Variants in RANBP2 observed in about 807,000 individuals in gnomAD.
RANBP2 encodes the protein RAN binding protein 2, also known as E3 SUMO-protein ligase RanBP2.
RANBP2 carries 57 observed loss-of-function variants against 303.6 expected under a neutral mutation model. That is an observed-to-expected ratio of 0.19 (90% CI 0.15 to 0.23). RANBP2 has a LOEUF of 0.23. Ranked by LOEUF, RANBP2 falls within the 10% of genes least tolerant of loss-of-function variation. RANBP2 has a pLI of 1.00. For synonymous variants in RANBP2, 1,167 were observed against 1,301.5 expected (o/e 0.90, Z 2.23); for missense variants, 3,138 against 3,780.8 (o/e 0.83, Z 4.46).
the RANBP2 span, among the ~76,000 whole-genome samples, chr2:109,035,751 A>ACTAGCTC: frequency 1.3e-5 from 2 of 152,244 alleles, no homozygotes; most frequent in African/African-American, 2.4e-5. Flanking sequence ...CTGGCCTAGT[A>ACTAGCTC]GGGTGAGCAC....
chr2:109,257,748 A>G, the RANBP2 span, among the ~76,000 whole-genome samples: 4 of 152,104 alleles, frequency 2.6e-5, no homozygotes, highest in Admixed American at 2.6e-4. Context: ...AAAAAAACCA[A>G]GGGGCCCCAA....
the RANBP2 span, chr2:108,906,213 C>A: frequency 7.4e-7 from 1 of 1,346,760 alleles, no homozygotes; most frequent in South Asian, 1.2e-5. Context: ...GGCGGCTTCC[C>A]TCAGTTCCCC....
the RANBP2 span, among the ~76,000 whole-genome samples, chr2:109,404,659 A>T: frequency 6.6e-6 from 1 of 151,990 alleles, no homozygotes; most frequent in East Asian, 1.9e-4. Context: ...AGCAGAGCTG[A>T]CCCCTCTCCC....
At chr2:108,987,060 G>A in the RANBP2 span, among the ~76,000 whole-genome samples, 1 of 152,214 alleles carries the variant, frequency 6.6e-6, no homozygotes, top group Non-Finnish European at 1.5e-5. Flanking sequence ...AGGAGGGTGA[G>A]GGGAAACTGA....
the RANBP2 span, among the ~76,000 whole-genome samples, chr2:108,898,261 G>T: frequency 2.6e-5 from 4 of 152,274 alleles, no homozygotes; most frequent in East Asian, 7.7e-4. Flanking sequence ...CATGTAGGGA[G>T]CTGGGGCTTT....
At chr2:109,370,768 C>T in the RANBP2 span, among the ~76,000 whole-genome samples, 1 of 152,200 alleles carries the variant, frequency 6.6e-6, no homozygotes, top group East Asian at 1.9e-4. Context: ...TTCCTCCTTG[C>T]TGCCTGCCTC....
At chr2:109,319,337 A>C in the RANBP2 span, among the ~76,000 whole-genome samples, 1 of 152,230 alleles carries the variant, frequency 6.6e-6, no homozygotes, top group Admixed American at 6.5e-5. Context: ...AGTGCAGGTT[A>C]GTTGACTGCA....
At chr2:108,806,599 C>T in the RANBP2 span, among the ~76,000 whole-genome samples, 1 of 152,066 alleles carries the variant, frequency 6.6e-6, no homozygotes, top group Non-Finnish European at 1.5e-5. Context: ...GCTCTGCCAT[C>T]GTAATGCGAA....
the RANBP2 span, among the ~76,000 whole-genome samples, chr2:108,800,396 C>G: frequency 9.9e-4 from 150 of 152,060 alleles, no homozygotes; most frequent in African/African-American, 3.4e-3. Context: ...TCCTGAGTAG[C>G]TGGGAATACA....
chr2:108,826,534 C>CG, the RANBP2 span, among the ~76,000 whole-genome samples: 1 of 152,076 alleles, frequency 6.6e-6, no homozygotes, highest in African/African-American at 2.4e-5. Context: ...TGAATTGTTT[C>CG]GGTACCATGT....
chr2:109,726,058 G>GGT, the RANBP2 span, among the ~76,000 whole-genome samples: 10,027 of 136,968 alleles, frequency 0.073, 610 homozygotes, highest in African/African-American at 0.18. Flanking sequence ...TTTTGCTTTT[G>GGT]GTGTGTGTGT....
the RANBP2 span, among the ~76,000 whole-genome samples, chr2:109,394,066 C>T: frequency 3.3e-5 from 5 of 152,248 alleles, no homozygotes; most frequent in Admixed American, 3.3e-4. Flanking sequence ...GCCCCACCCT[C>T]GGACGCAGCC....
chr2:109,629,910 A>G, the RANBP2 span, among the ~76,000 whole-genome samples: 6 of 152,200 alleles, frequency 3.9e-5, no homozygotes, highest in Non-Finnish European at 8.8e-5. Flanking sequence ...TCTAGAGCTC[A>G]TACTGGGAGC....
At chr2:108,984,651 C>T in the RANBP2 span, among the ~76,000 whole-genome samples, 1 of 152,106 alleles carries the variant, frequency 6.6e-6, no homozygotes, top group Non-Finnish European at 1.5e-5. Context: ...CCACTACTAC[C>T]CTGGGCACCT....
chr2:109,192,916 A>G, the RANBP2 span, among the ~76,000 whole-genome samples: 2 of 152,328 alleles, frequency 1.3e-5, no homozygotes, highest in East Asian at 1.9e-4. Context: ...TATGCCAGTT[A>G]CTATCATCAT....
the RANBP2 span, among the ~76,000 whole-genome samples, chr2:109,641,419 G>C: frequency 2.0e-5 from 3 of 152,182 alleles, no homozygotes; most frequent in Non-Finnish European, 4.4e-5. Context: ...GCCTAAAAAA[G>C]AAGGAAATCC....
the RANBP2 span, among the ~76,000 whole-genome samples, chr2:109,102,629 A>T: frequency 3.3e-5 from 5 of 152,116 alleles, no homozygotes; most frequent in Non-Finnish European, 7.3e-5. Context: ...AATATCAATG[A>T]TCTAGAGCTA....
the RANBP2 span, chr2:109,737,556 T>C: frequency 1.3e-5 from 6 of 472,320 alleles, no homozygotes; most frequent in Non-Finnish European, 2.2e-5. Flanking sequence ...GATATCTCTT[T>C]AACGTACTGA....
the RANBP2 span, among the ~76,000 whole-genome samples, chr2:109,036,253 A>T: frequency 1.3e-5 from 2 of 152,236 alleles, no homozygotes; most frequent in East Asian, 3.8e-4. Flanking sequence ...AAATCTTCAG[A>T]TGAAAATACT....
Sources: allele counts gnomAD v4.1 joint callset (sites outside exome capture counted in the v4.1 genomes callset), GRCh38; gene constraint gnomAD v4.1.1; transcripts MANE v1.5; gene names NCBI Gene and HGNC (gene_info 2026-07-23, HGNC 2026-07-21).